Variants in ARHGAP18 observed in about 807,000 individuals in gnomAD.
ARHGAP18 encodes Rho GTPase activating protein 18.
A neutral mutation model predicts 86.2 loss-of-function variants in ARHGAP18; 67 were observed. That is an observed-to-expected ratio of 0.78 (90% CI 0.64 to 0.95). The LOEUF (loss-of-function observed/expected upper bound fraction) is 0.95. Ranked by LOEUF, ARHGAP18 falls within the 40% of genes least tolerant of loss-of-function variation. ARHGAP18 has a pLI of 0.00. For synonymous variants in ARHGAP18, 283 were observed against 280.4 expected (o/e 1.01, Z -0.09); for missense variants, 691 against 780.4 (o/e 0.89, Z 1.37).
intron 1 of ARHGAP18, among the ~76,000 whole-genome samples, chr6:129,689,806 G>A (rs1359855310): frequency 6.6e-6 from 1 of 152,232 alleles, no homozygotes; most frequent in Non-Finnish European, 1.5e-5. Flanking sequence ...GAAAAGGCAC[G>A]CATTTGCTTT....
At chr6:129,594,131 C>A (rs1166476301) in intron 12 of ARHGAP18, among the ~76,000 whole-genome samples, 3 of 152,094 alleles carry the variant, frequency 2.0e-5, no homozygotes, top group Non-Finnish European at 4.4e-5. Flanking sequence ...AAAAATATTA[C>A]CTTGAAGAAT....
At chr6:129,654,832 A>G (rs1035575307) in intron 1 of ARHGAP18, among the ~76,000 whole-genome samples, 3 of 152,078 alleles carry the variant, frequency 2.0e-5, no homozygotes, top group African/African-American at 7.2e-5. Context: ...CTTCTCCCCA[A>G]AATGCTGTCT....
chr6:129,665,445 G>C (rs1774019346), intron 1 of ARHGAP18, among the ~76,000 whole-genome samples: 1 of 152,180 alleles, frequency 6.6e-6, no homozygotes. Context: ...AGCTACTCAG[G>C]AGGCTGAGGT....
intron 1 of ARHGAP18, among the ~76,000 whole-genome samples, chr6:129,656,654 T>C (rs1014157935): frequency 7.3e-6 from 1 of 136,400 alleles, no homozygotes; most frequent in Non-Finnish European, 1.6e-5. Context: ...AAAAAAATAA[T>C]AAAAAATAAA....
chr6:129,687,718 A>C (rs990310601), intron 1 of ARHGAP18, among the ~76,000 whole-genome samples: 2 of 152,244 alleles, frequency 1.3e-5, no homozygotes, highest in African/African-American at 4.8e-5. Context: ...TACTTATTGA[A>C]AACTATGTTC....
At chr6:129,657,706 C>T (rs1403683409) in intron 1 of ARHGAP18, among the ~76,000 whole-genome samples, 1 of 152,194 alleles carries the variant, frequency 6.6e-6, no homozygotes, top group Non-Finnish European at 1.5e-5. Flanking sequence ...ACTGTGAGAA[C>T]AATGATTAAA....
chr6:129,710,009 C>T lies in ARHGAP18; in HGVS notation c.113+15G>A. On this transcript the variant is annotated intron_variant, in intron 1 of 14. Transcript: ENST00000368149. ...TAAGAGGGTTTTGTTTTGTTTTCAG[C>T]TTCCGAAGGCTTACCTCGAGGTGGC... The T allele has an allele frequency of 6.2e-7, 1 of 1,605,222 alleles. No homozygotes were observed. The highest frequency in any genetic ancestry group is 8.5e-7 in the Non-Finnish European group (1 of 1,171,962).
At chr6:129,682,847 A>G (rs2114538495) in intron 1 of ARHGAP18, among the ~76,000 whole-genome samples, 1 of 152,320 alleles carries the variant, frequency 6.6e-6, no homozygotes, top group Non-Finnish European at 1.5e-5. Flanking sequence ...TTTTTTTGAG[A>G]AAACTGCACA....
Position 129,689,007 on chromosome 6 carries a change from T to C in ARHGAP18, c.113+21017A>G, listed in dbSNP as rs549581715. Reference sequence around the variant, plus strand: ...CACAGAGCCAACAAGAGGCAAATTCTAAGTAATTCTTTAGCATGCAAAACG... The same window carrying C: ...CACAGAGCCAACAAGAGGCAAATTCCAAGTAATTCTTTAGCATGCAAAACG... On this transcript the variant is annotated intron_variant, in intron 1 of 14. Transcript: ENST00000368149. Among the ~76,000 whole-genome samples the C allele has an allele frequency of 4.6e-5, 7 of 152,298 alleles. No individual in the cohort carries two copies. In the East Asian group the frequency reaches 1.4e-3, roughly 29 times the overall value.
intron 4 of ARHGAP18, among the ~76,000 whole-genome samples, chr6:129,631,370 C>G (rs1181024459): frequency 1.3e-5 from 2 of 151,066 alleles, no homozygotes; most frequent in Admixed American, 1.3e-4. Context: ...ATTTAACACA[C>G]ACATTTCCTT....
chr6:129,656,668 T>TA (rs35138531), intron 1 of ARHGAP18, among the ~76,000 whole-genome samples: 26 of 151,338 alleles, frequency 1.7e-4, no homozygotes, highest in African/African-American at 5.6e-4. Context: ...AAATAAAAAA[T>TA]AAAAAAAAAT....
chr6:129,665,870 C>T (rs1774026443), intron 1 of ARHGAP18, among the ~76,000 whole-genome samples: 2 of 152,028 alleles, frequency 1.3e-5, no homozygotes, highest in South Asian at 2.1e-4. Flanking sequence ...GAATGAGATA[C>T]GTACATAAAA....
At chr6:129,646,939 T>A (rs1773591993) in intron 1 of ARHGAP18, among the ~76,000 whole-genome samples, 1 of 152,094 alleles carries the variant, frequency 6.6e-6, no homozygotes, top group African/African-American at 2.4e-5. Context: ...AAACAACACA[T>A]AATGGGTCTG....
chr6:129,652,904 T>C (rs1773744352), intron 1 of ARHGAP18, among the ~76,000 whole-genome samples: 1 of 152,226 alleles, frequency 6.6e-6, no homozygotes, highest in Non-Finnish European at 1.5e-5. Flanking sequence ...CTGAATATAA[T>C]CGTGGTTTTC....
chr6:129,698,984 G>A (rs777506353), intron 1 of ARHGAP18, among the ~76,000 whole-genome samples: 1 of 151,254 alleles, frequency 6.6e-6, no homozygotes, highest in African/African-American at 2.4e-5. Flanking sequence ...TGAGCCACAC[G>A]CCCGGCCTAA....
intron 1 of ARHGAP18, among the ~76,000 whole-genome samples, chr6:129,693,140 C>T (rs1310132564): frequency 6.6e-6 from 1 of 152,232 alleles, no homozygotes; most frequent in Non-Finnish European, 1.5e-5. Flanking sequence ...AGCTGTTTCA[C>T]ACCCAAAGAG....
chr6:129,625,026 A>ATGATATATATTTATATAATATATATGAT (rs1283479748), intron 5 of ARHGAP18, among the ~76,000 whole-genome samples: 1 of 88,492 alleles, frequency 1.1e-5, no homozygotes, highest in Non-Finnish European at 2.1e-5. Flanking sequence ...TATATGATAT[A>ATGATATATATTTATATAATATATATGAT]TGATATATAT....
At chr6:129,599,803 G>C (rs1469357260) in intron 11 of ARHGAP18, among the ~76,000 whole-genome samples, 1 of 152,072 alleles carries the variant, frequency 6.6e-6, no homozygotes, top group Non-Finnish European at 1.5e-5. Context: ...CAAGAAACAA[G>C]AGCTGATAGG....
At chr6:129,666,748 C>T (rs1395448356) in intron 1 of ARHGAP18, among the ~76,000 whole-genome samples, 1 of 152,162 alleles carries the variant, frequency 6.6e-6, no homozygotes, top group African/African-American at 2.4e-5. Context: ...AAGTAGAGAT[C>T]AAAAACAAGT....
Sources: allele counts gnomAD v4.1 joint callset (sites outside exome capture counted in the v4.1 genomes callset), GRCh38; gene constraint gnomAD v4.1.1; transcripts MANE v1.5; gene names NCBI Gene and HGNC (gene_info 2026-07-23, HGNC 2026-07-21).